Variants in DPH6 observed in about 807,000 individuals in gnomAD.
DPH6 encodes diphthine--ammonia ligase.
In DPH6, 33 loss-of-function variants were observed where a neutral mutation model predicts 38.2. That is an observed-to-expected ratio of 0.86 (90% CI 0.65 to 1.15). DPH6 has a LOEUF of 1.15. DPH6 is among the 50% of genes most tolerant of loss of function. The pLI is 0.00. For missense variants in DPH6, 325 were observed against 320.0 expected, an observed-to-expected ratio of 1.02 and a Z score of -0.12; for synonymous variants, 108 against 103.0, an observed-to-expected ratio of 1.05 and a Z score of -0.30.
chr15:35,390,710 T>G (rs1333219849), intron 6 of DPH6, among the ~76,000 whole-genome samples: 1 of 152,240 alleles, frequency 6.6e-6, no homozygotes, highest in Non-Finnish European at 1.5e-5. Context: ...TTTAAGGACT[T>G]CTCTGCATTG....
chr15:35,395,561 T>C (rs1240335442), intron 6 of DPH6, among the ~76,000 whole-genome samples: 2 of 152,198 alleles, frequency 1.3e-5, no homozygotes, highest in Non-Finnish European at 2.9e-5. Context: ...TTTGTTGTCC[T>C]TGAATGCCTT....
intron 5 of DPH6, among the ~76,000 whole-genome samples, chr15:35,442,737 C>T (rs9806703): frequency 0.67 from 101,245 of 152,036 alleles, 36,325 homozygotes; most frequent in South Asian, 0.84. Flanking sequence ...TTCTTGAAAA[C>T]ATTATTCTAA....
the DPH6 span, among the ~76,000 whole-genome samples, chr15:35,191,222 C>T: frequency 1.3e-5 from 2 of 152,348 alleles, no homozygotes; most frequent in East Asian, 3.9e-4. Context: ...CAAACTGACA[C>T]ATACTTCGAG....
chr15:35,517,498 T>C (rs1221700061), intron 3 of DPH6, among the ~76,000 whole-genome samples: 1 of 152,146 alleles, frequency 6.6e-6, no homozygotes, highest in East Asian at 1.9e-4. Flanking sequence ...TTTAAACATA[T>C]TTCTTACTGT....
intron 5 of DPH6, among the ~76,000 whole-genome samples, chr15:35,422,087 A>G (rs1229534927): frequency 6.6e-6 from 1 of 151,958 alleles, no homozygotes; most frequent in Non-Finnish European, 1.5e-5. Flanking sequence ...GCAAATTAAA[A>G]GATGGTGGCA....
At chr15:35,425,143 C>T (rs193007546) in intron 5 of DPH6, among the ~76,000 whole-genome samples, 5 of 151,562 alleles carry the variant, frequency 3.3e-5, no homozygotes, top group Admixed American at 2.6e-4. Context: ...TATAACATAC[C>T]CTTGCTCCAA....
chr15:35,471,639 C>A (rs1414873471), intron 3 of DPH6, among the ~76,000 whole-genome samples: 1 of 152,086 alleles, frequency 6.6e-6, no homozygotes, highest in African/African-American at 2.4e-5. Flanking sequence ...ACCCTTTGTT[C>A]TTACTCTTCT....
rs78976206 is a variant in DPH6 at position 35,235,935 on chromosome 15, G to T, written n.201-15353C>A. 9.9e-5 allele frequency among the ~76,000 whole-genome samples: 15 copies of T among 152,186 alleles called. No individual in the cohort carries two copies. The East Asian group carries it at 2.5e-3, about 25-fold the overall frequency. On this transcript the variant is annotated intron_variant and non_coding_transcript_variant, in intron 3 of 3. Transcript: ENST00000560386. ...TATGAGTATTTTCTTAGTTAAAAAA[G>T]AAACAAAAGAGAACATGGACTAATA...
At chr15:35,180,379 C>T in the DPH6 span, among the ~76,000 whole-genome samples, 1 of 144,722 alleles carries the variant, frequency 6.9e-6, no homozygotes, top group Non-Finnish European at 1.5e-5. Flanking sequence ...TGAAATAAGA[C>T]AGTTGGTTTT....
rs2053301590 is a variant in DPH6 at position 35,406,952 on chromosome 15, G to A, written c.567+3883C>T. ...TCACCACAGGAGGAAGGCTATGGAG[G>A]GAACCACAATATATAAAAGGTGGAG... On this transcript the variant is annotated intron_variant, in intron 6 of 8. Transcript: ENST00000256538. Among the ~76,000 whole-genome samples the A allele has an allele frequency of 3.3e-5, 5 of 151,974 alleles. No homozygotes were observed. In the South Asian group the frequency reaches 6.2e-4, roughly 19 times the overall value.
chr15:35,287,149 G>T (rs318346), intron 3 of DPH6, among the ~76,000 whole-genome samples: 2 of 152,192 alleles, frequency 1.3e-5, no homozygotes, highest in Non-Finnish European at 2.9e-5. Context: ...AACAGGCTTT[G>T]TTTAAAAAAA....
chr15:35,466,511 T>C lies in DPH6; in HGVS notation c.313-11691A>G, dbSNP rs184110751. Reference sequence around the variant, plus strand: ...AACTTACATAAACAGGAGTATAACATTCTAAAATCTATACTTAAACCACTA... The same window carrying C: ...AACTTACATAAACAGGAGTATAACACTCTAAAATCTATACTTAAACCACTA... On this transcript the variant is annotated intron_variant, in intron 3 of 8. Coordinates refer to ENST00000256538, the MANE Select transcript of DPH6 (RefSeq NM_080650.4). Among the ~76,000 whole-genome samples, 122 of 152,282 alleles carry C rather than the reference T, an allele frequency of 8.0e-4. 1 individual carries two copies. Among genetic ancestry groups the C allele is most frequent in the African/African-American group, 2.9e-3 (121 of 41,556 alleles).
At chr15:35,284,816 T>TTC (rs2051929443) in intron 3 of DPH6, among the ~76,000 whole-genome samples, 1 of 137,906 alleles carries the variant, frequency 7.3e-6, no homozygotes, top group South Asian at 2.4e-4. Context: ...TTTTTTTTTT[T>TTC]TTTTTTTTTT....
At chr15:35,450,609 C>G in intron 5 of DPH6, 76 bp downstream of exon 5, 1 of 1,180,916 alleles carries the variant, frequency 8.5e-7, no homozygotes, top group East Asian at 2.5e-5. Context: ...TTTCTTTGTT[C>G]ATTTTAACTA....
chr15:35,227,245 G>A (rs1307262288), intron 3 of DPH6, among the ~76,000 whole-genome samples: 3 of 139,892 alleles, frequency 2.1e-5, no homozygotes, highest in South Asian at 2.4e-4. Flanking sequence ...GTGCAGAGGC[G>A]CGATCTCGGC....
chr15:35,209,500 G>GA, the DPH6 span, among the ~76,000 whole-genome samples: 1 of 152,092 alleles, frequency 6.6e-6, no homozygotes, highest in East Asian at 1.9e-4. Flanking sequence ...TAGAAGAATG[G>GA]AAAAAATGTG....
At chr15:35,349,205 G>A (rs1261499982) in intron 3 of DPH6, among the ~76,000 whole-genome samples, 2 of 152,086 alleles carry the variant, frequency 1.3e-5, no homozygotes, top group Non-Finnish European at 2.9e-5. Flanking sequence ...TAGAAGTGGT[G>A]AGAGAGGGCA....
intron 3 of DPH6, among the ~76,000 whole-genome samples, chr15:35,262,208 G>C (rs2051751484): frequency 6.6e-6 from 1 of 151,960 alleles, no homozygotes. Context: ...TTTATTACAT[G>C]GTGGCCTCTA....
chr15:35,418,813 C>T (rs947485545), intron 5 of DPH6, among the ~76,000 whole-genome samples: 1 of 151,988 alleles, frequency 6.6e-6, no homozygotes, highest in Non-Finnish European at 1.5e-5. Context: ...TTTATCTCTT[C>T]AGTACAGCCC....
Sources: allele counts gnomAD v4.1 joint callset (sites outside exome capture counted in the v4.1 genomes callset), GRCh38; gene constraint gnomAD v4.1.1; transcripts MANE v1.5; gene names NCBI Gene and HGNC (gene_info 2026-07-23, HGNC 2026-07-21).